Variants in CDC25A observed in about 807,000 individuals in gnomAD.
CDC25A encodes the protein cell division cycle 25A, also known as M-phase inducer phosphatase 1.
Under a neutral mutation model 64.6 loss-of-function variants are expected in CDC25A, and 17 were observed. That is an observed-to-expected ratio of 0.26 (90% CI 0.18 to 0.39). The LOEUF is 0.39. Among genes scored for constraint, CDC25A ranks in the 10% least tolerant of loss-of-function variants. The pLI is 1.00. For missense variants in CDC25A, 473 were observed against 654.8 expected, an observed-to-expected ratio of 0.72 and a Z score of 3.03; for synonymous variants, 229 against 238.6, an observed-to-expected ratio of 0.96 and a Z score of 0.37.
At chr3:48,173,603 C>CT (rs896934024) in intron 9 of CDC25A, among the ~76,000 whole-genome samples, 1 of 152,204 alleles carries the variant, frequency 6.6e-6, no homozygotes, top group African/African-American at 2.4e-5. Context: ...AGCTGTCATA[C>CT]AGTGCCCCAG....
At chr3:48,180,589 G>C in intron 6 of CDC25A, 132 bp downstream of exon 6, 2 of 913,896 alleles carry the variant, frequency 2.2e-6, no homozygotes, top group Non-Finnish European at 3.3e-6. Context: ...ATGCTTGACA[G>C]TCTAATTTCA....
intron 13 of CDC25A, among the ~76,000 whole-genome samples, chr3:48,160,384 C>T (rs1030799089): frequency 2.0e-5 from 3 of 149,554 alleles, no homozygotes; most frequent in African/African-American, 7.4e-5. Context: ...GTTGGGATTA[C>T]AGGAGTTAGC....
chr3:48,159,521 C>A, intron 13 of CDC25A, 66 bp from the exon 14 acceptor site: 1 of 1,060,350 alleles, frequency 9.4e-7, no homozygotes, highest in South Asian at 1.3e-5. Context: ...GCAACGCAGT[C>A]AAAGCAGCAG....
chr3:48,177,606 G>C (rs1227753069), intron 7 of CDC25A, among the ~76,000 whole-genome samples, 164 bp from the exon 8 acceptor site: 1 of 152,106 alleles, frequency 6.6e-6, no homozygotes, highest in Non-Finnish European at 1.5e-5. Context: ...CTTGCATATA[G>C]ATTGTTAGTT....
At position 48,167,941 on chromosome 3, in the gene CDC25A, G is replaced by A. The variant is rs1444437184; in HGVS notation, c.934C>T (p.Leu312Phe). The part of the protein sequence containing the change: ...STNPEKAHET[L>F]HQSLSLASSP... ...GATGCCAGGGATAAAGACTGATGAA[G>A]AGTCTGTAACAAATCAAAGGTAGAG... The change falls in exon 10 of 15, where the codon CTT becomes TTT. Residue 312 changes from leucine (L) to phenylalanine (F), a missense_variant. Physicochemically the swap from Leu to Phe is conservative, Grantham distance 22 (BLOSUM62 0). Transcript: ENST00000302506. 5 of 1,583,060 alleles carry A rather than the reference G, an allele frequency of 3.2e-6. No individual in the cohort carries two copies. The highest frequency in any genetic ancestry group is 2.2e-5 in the South Asian group (2 of 90,404).
At chr3:48,186,463 G>A (rs1174383593) in intron 2 of CDC25A, among the ~76,000 whole-genome samples, 1 of 151,974 alleles carries the variant, frequency 6.6e-6, no homozygotes, top group Non-Finnish European at 1.5e-5. Flanking sequence ...CAGCTACTCG[G>A]GAGGCTGAGG....
Position 48,188,088 on chromosome 3 carries a change from C to G in CDC25A, c.-141G>C. ...CAAACACGACTCCGCGGTTCAGGGACGCGGCTGCCGCGGGCAAGCGGCGCG... is the reference window on the plus strand; with the variant it reads ...CAAACACGACTCCGCGGTTCAGGGAGGCGGCTGCCGCGGGCAAGCGGCGCG... On this transcript the variant is annotated 5_prime_UTR_variant, in exon 1 of 15. Coordinates refer to ENST00000302506, the MANE Select transcript of CDC25A (RefSeq NM_001789.3). The G allele has an allele frequency of 1.6e-6, 1 of 642,418 alleles. No individual in the cohort carries two copies. 39.8% of individuals were successfully genotyped at this position (642,418 alleles called of 1,614,324 possible).
intron 13 of CDC25A, among the ~76,000 whole-genome samples, chr3:48,164,098 T>C (rs934179011): frequency 6.6e-6 from 1 of 152,202 alleles, no homozygotes; most frequent in Non-Finnish European, 1.5e-5. Context: ...ATGAGAACAG[T>C]AGCCCCACAG....
In CDC25A at chr3:48,158,728, G is replaced by A. The variant is rs546227352; in HGVS notation, c.*217C>T. On this transcript the variant is annotated 3_prime_UTR_variant, in exon 15 of 15. Transcript: ENST00000302506. ...CTGCATTGTGGCACAGTTCTGATAT[G>A]GACGGAGGACGTCTAACAGGGACAG... 4 of 560,252 alleles carry A rather than the reference G, an allele frequency of 7.1e-6. No homozygotes were observed. The South Asian group carries it at 8.6e-5, about 12-fold the overall frequency. The allele number at this position is 560,252 out of a possible 1,614,324, so 34.7% of individuals were successfully genotyped here. A position where few individuals can be genotyped will look rare whatever the true frequency, so the allele number is the denominator to read the frequency against.
intron 8 of CDC25A, among the ~76,000 whole-genome samples, chr3:48,176,279 G>A (rs545481199): frequency 6.6e-6 from 1 of 152,172 alleles, no homozygotes; most frequent in East Asian, 1.9e-4. Context: ...ATTTAGATGT[G>A]TACCTAAGGG....
chr3:48,180,067 G>A (rs1575270849), intron 6 of CDC25A, among the ~76,000 whole-genome samples: 2 of 152,144 alleles, frequency 1.3e-5, no homozygotes, highest in South Asian at 4.2e-4. Flanking sequence ...AGCAGCCTGA[G>A]CATTCACTGT....
intron 10 of CDC25A, among the ~76,000 whole-genome samples, chr3:48,166,882 T>C (rs1301169946): frequency 6.6e-6 from 1 of 152,222 alleles, no homozygotes; most frequent in Non-Finnish European, 1.5e-5. Flanking sequence ...GCCACTGCAC[T>C]ACAGCCTGAG....
At chr3:48,160,201 C>T (rs1232012326) in intron 13 of CDC25A, among the ~76,000 whole-genome samples, 1 of 152,094 alleles carries the variant, frequency 6.6e-6, no homozygotes, top group Non-Finnish European at 1.5e-5. Context: ...CAATCTCCGT[C>T]TCCCGGGTTC....
chr3:48,174,364 G>A lies in CDC25A; in HGVS notation c.850C>T (p.Pro284Ser). ...TTCCTCCTCTTTGTACTTCCAGGTG[G>A]AGACTCCTCTTGAGATCGTTCTGGT... ...KRPERSQEES[P>S]PGSTKRRKSM... Residue 284 changes from proline (P) to serine (S), a missense_variant, in exon 9 of 15, where the codon CCA becomes TCA. Pro to Ser is a moderately conservative substitution (Grantham distance 74). Around this residue, in one of 2 missense-constraint regions of CDC25A, gnomAD observed 376 missense variants for 431.9 expected, o/e 0.87. Transcript: ENST00000302506. 1 of 1,614,170 alleles carries A rather than the reference G, an allele frequency of 6.2e-7. No individual in the cohort carries two copies. Among genetic ancestry groups the A allele is most frequent in the Non-Finnish European group, 8.5e-7 (1 of 1,180,028 alleles).
intron 8 of CDC25A, 33 bp downstream of exon 8, chr3:48,177,338 A>C: frequency 1.3e-6 from 2 of 1,549,060 alleles, no homozygotes; most frequent in Non-Finnish European, 1.8e-6. Flanking sequence ...CCAATCACGC[A>C]GGGCTTCCTC....
chr3:48,183,665 A>G, intron 4 of CDC25A, 135 bp downstream of exon 4: 1 of 621,162 alleles, frequency 1.6e-6, no homozygotes, highest in Non-Finnish European at 2.9e-6. Context: ...TGGGTGACAG[A>G]GCAAGACCTT....
chr3:48,158,873 G>A lies in CDC25A; in HGVS notation c.*72C>T. On this transcript the variant is annotated 3_prime_UTR_variant, in exon 15 of 15. Coordinates refer to ENST00000302506, the MANE Select transcript of CDC25A (RefSeq NM_001789.3). The stretch of plus-strand genomic sequence containing the variant: ...TCACACAGCTGTCCCCTTTGCTTAA[G>A]TTTCTCTGCAGCAAAGAGGGTAAAG... 6.4e-7 allele frequency: 1 copy of A among 1,569,178 alleles called. No homozygotes were observed. The highest frequency in any genetic ancestry group is 1.1e-5 in the South Asian group (1 of 86,974).
At chr3:48,183,965 G>A (rs1459777934) in intron 3 of CDC25A, 129 bp from the exon 4 acceptor site, 8 of 557,740 alleles carry the variant, frequency 1.4e-5, no homozygotes, top group Non-Finnish European at 2.3e-5. Flanking sequence ...GCAAGAGATG[G>A]GAGAATAAAT....
At position 48,187,961 on chromosome 3, in the gene CDC25A, C is replaced by G. The variant is rs536398892; in HGVS notation, c.-14G>C. 1.4e-6 allele frequency: 2 copies of G among 1,463,234 alleles called. No individual in the cohort carries two copies. The highest frequency in any genetic ancestry group is 2.9e-5 in the East Asian group (1 of 34,986). 90.6% of individuals were successfully genotyped at this position (1,463,234 alleles called of 1,614,324 possible). ...GCCCAGTTCCATGGCGGCGCCCGGC[C>G]TCGCAGAGCTCCCGCTCCCTCTTCC... On this transcript the variant is annotated 5_prime_UTR_variant, in exon 1 of 15. Transcript: ENST00000302506.
Sources: gnomAD v4.1 joint callset for allele counts (sites outside exome capture counted in the v4.1 genomes callset) on GRCh38, gnomAD v4.1.1 for gene constraint, gnomAD v4.1.1 regional missense constraint, MANE v1.5 for transcripts, NCBI Gene and HGNC (gene_info 2026-07-23, HGNC 2026-07-21) for gene names.